Variants in ELP4 observed in about 807,000 individuals in gnomAD.
ELP4 encodes the protein elongator complex protein 4.
In ELP4, 51 loss-of-function variants were observed where a neutral mutation model predicts 48.9. The ratio of observed to expected loss-of-function variants is 1.04; its 90% confidence interval spans 0.83 to 1.32. The LOEUF (loss-of-function observed/expected upper bound fraction) is 1.32. ELP4 is among the 40% of genes most tolerant of loss of function. ELP4 has a pLI of 0.00. For synonymous variants in ELP4, 210 were observed against 189.2 expected (o/e 1.11, Z -0.90); for missense variants, 519 against 514.6 (o/e 1.01, Z -0.08).
intron 5 of ELP4, among the ~76,000 whole-genome samples, chr11:31,614,204 G>A (rs971554233): frequency 1.3e-5 from 2 of 152,060 alleles, no homozygotes; most frequent in African/African-American, 2.4e-5. Flanking sequence ...TAAATTCTTG[G>A]AGTTGAGAAA....
chr11:31,556,438 AT>A (rs1259899541), intron 3 of ELP4, among the ~76,000 whole-genome samples: 1 of 149,602 alleles, frequency 6.7e-6, no homozygotes, highest in Non-Finnish European at 1.5e-5. Flanking sequence ...TAGTAGACTG[AT>A]TTTTTATGAA....
intron 3 of ELP4, among the ~76,000 whole-genome samples, chr11:31,561,870 G>C (rs187459803): frequency 6.6e-6 from 1 of 152,212 alleles, no homozygotes; most frequent in Admixed American, 6.5e-5. Flanking sequence ...CTACATGCAG[G>C]GTTGTTGCTA....
At chr11:31,677,267 G>T (rs186995198) in intron 9 of ELP4, among the ~76,000 whole-genome samples, 22 of 152,250 alleles carry the variant, frequency 1.4e-4, no homozygotes, top group Non-Finnish European at 3.1e-4. Flanking sequence ...TGCAATTATG[G>T]GACTCTCCCT....
rs186139525 is a variant in ELP4, at chr11:31,736,941, A to G, written c.1144-46452A>G. Among the ~76,000 whole-genome samples the G allele has an allele frequency of 2.5e-4, 38 of 152,340 alleles. 1 individual carries two copies. Among genetic ancestry groups the G allele is most frequent in the African/African-American group, 8.9e-4 (37 of 41,580 alleles). On this transcript the variant is annotated intron_variant, in intron 9 of 9. Transcript: ENST00000640961. ...TTAGGGATCTAGAACTAGAAATACCATTTGACCCAGCCATCCCATTACTGG... is the reference window on the plus strand; with the variant it reads ...TTAGGGATCTAGAACTAGAAATACCGTTTGACCCAGCCATCCCATTACTGG...
intron 9 of ELP4, among the ~76,000 whole-genome samples, chr11:31,688,905 A>AT (rs1448983863): frequency 6.6e-6 from 1 of 152,168 alleles, no homozygotes; most frequent in Non-Finnish European, 1.5e-5. Context: ...TGCAGCTCTT[A>AT]TCATTGGGAG....
intron 3 of ELP4, among the ~76,000 whole-genome samples, chr11:31,587,935 G>A (rs1045623155): frequency 2.0e-4 from 31 of 152,022 alleles, no homozygotes; most frequent in South Asian, 4.2e-4. Flanking sequence ...TGTAATAAAA[G>A]CAACAGAACA....
chr11:31,732,757 G>A (rs1196876784), intron 9 of ELP4, among the ~76,000 whole-genome samples: 1 of 152,168 alleles, frequency 6.6e-6, no homozygotes, highest in South Asian at 2.1e-4. Context: ...TAGAGTAGGA[G>A]TAGCCATACT....
chr11:31,681,236 A>G (rs115415217), intron 9 of ELP4, among the ~76,000 whole-genome samples: 124 of 152,336 alleles, frequency 8.1e-4, no homozygotes, highest in African/African-American at 2.9e-3. Context: ...AAATTCATCT[A>G]ACAGTCATGT....
At chr11:31,765,566 G>A (rs1032241507) in intron 9 of ELP4, among the ~76,000 whole-genome samples, 13 of 151,958 alleles carry the variant, frequency 8.6e-5, no homozygotes, top group Non-Finnish European at 8.8e-5. Context: ...ATTATAAGTA[G>A]CATCTTTATC....
chr11:31,780,349 G>C (rs532691981), intron 9 of ELP4, among the ~76,000 whole-genome samples: 1 of 152,124 alleles, frequency 6.6e-6, no homozygotes, highest in Non-Finnish European at 1.5e-5. Flanking sequence ...TGGCGCACAG[G>C]GGGAGGCTCA....
chr11:31,583,470 G>A (rs1187416588), intron 3 of ELP4, among the ~76,000 whole-genome samples: 1 of 152,090 alleles, frequency 6.6e-6, no homozygotes, highest in African/African-American at 2.4e-5. Context: ...GTGTGGTGGT[G>A]TGCGGCATGT....
At chr11:31,702,742 C>G (rs1946552567) in intron 9 of ELP4, among the ~76,000 whole-genome samples, 1 of 152,096 alleles carries the variant, frequency 6.6e-6, no homozygotes, top group Admixed American at 6.6e-5. Flanking sequence ...TAAAAAATCT[C>G]TGAAAGTTTT....
At chr11:31,681,081 C>T (rs544852231) in intron 9 of ELP4, among the ~76,000 whole-genome samples, 159 of 152,216 alleles carry the variant, frequency 1.0e-3, no homozygotes, top group Middle Eastern at 3.4e-3. Flanking sequence ...TTGAAATTAA[C>T]CAACTTGGTA....
At chr11:31,629,682 A>G (rs1216254408) in intron 6 of ELP4, among the ~76,000 whole-genome samples, 1 of 151,776 alleles carries the variant, frequency 6.6e-6, no homozygotes, top group Non-Finnish European at 1.5e-5. Flanking sequence ...AATACTGTTG[A>G]TCTTTAGTTT....
chr11:31,765,490 G>A (rs779750010), intron 9 of ELP4, among the ~76,000 whole-genome samples: 16 of 152,086 alleles, frequency 1.1e-4, no homozygotes, highest in African/African-American at 3.6e-4. Context: ...TTTTCTATCA[G>A]ATTAACAGGG....
At chr11:31,528,430 G>A (rs1332352191) in intron 2 of ELP4, among the ~76,000 whole-genome samples, 1 of 152,094 alleles carries the variant, frequency 6.6e-6, no homozygotes, top group African/African-American at 2.4e-5. Context: ...TAAACATGAG[G>A]TGATGTTTGT....
chr11:31,677,038 C>G (rs766798660), intron 9 of ELP4, among the ~76,000 whole-genome samples: 5 of 152,120 alleles, frequency 3.3e-5, no homozygotes, highest in Admixed American at 1.3e-4. Context: ...ATATTTTCAT[C>G]CAAATCATGC....
At chr11:31,698,775 C>A (rs554157173) in intron 9 of ELP4, among the ~76,000 whole-genome samples, 1 of 152,078 alleles carries the variant, frequency 6.6e-6, no homozygotes, top group South Asian at 2.1e-4. Context: ...GCAGAATCTT[C>A]TTTATTAATA....
rs148518984 is a variant in ELP4 at position 31,642,709 on chromosome 11, G to A, written c.928-5032G>A. Among the ~76,000 whole-genome samples, 658 of 151,558 alleles carry A rather than the reference G, an allele frequency of 4.3e-3. 3 individuals carry two copies. The highest frequency in any genetic ancestry group is 0.015 in the African/African-American group (602 of 41,390). ...ATCTGGAAAGATTTAATCTAATACC[G>A]TCATCAGTTTATTACAAATATTCTA... On this transcript the variant is annotated intron_variant, in intron 7 of 9. Transcript: ENST00000640961.
Sources: allele counts gnomAD v4.1 joint callset (sites outside exome capture counted in the v4.1 genomes callset), GRCh38; gene constraint gnomAD v4.1.1; transcripts MANE v1.5; gene names NCBI Gene and HGNC (gene_info 2026-07-23, HGNC 2026-07-21).